The following USP32 variants were observed in gnomAD, a reference collection of about 807,000 sequenced individuals.
The protein encoded by USP32 is ubiquitin carboxyl-terminal hydrolase 32.
USP32 carries 59 observed loss-of-function variants against 204.8 expected under a neutral mutation model. That is an observed-to-expected ratio of 0.29 (90% CI 0.23 to 0.36). USP32 has a LOEUF of 0.36. Ranked by LOEUF, USP32 falls within the 10% of genes least tolerant of loss-of-function variation. The probability of loss-of-function intolerance (pLI) is 1.00; values close to 1 mark genes in which losing one functional copy is unlikely to be tolerated. For missense variants in USP32, 1,160 were observed against 1,946.4 expected, an observed-to-expected ratio of 0.60 and a Z score of 7.60; for synonymous variants, 517 against 678.4, an observed-to-expected ratio of 0.76 and a Z score of 3.70.
At chr17:60,363,296 A>G (rs951305742) in intron 1 of USP32, among the ~76,000 whole-genome samples, 8 of 151,738 alleles carry the variant, frequency 5.3e-5, no homozygotes, top group African/African-American at 1.9e-4. Context: ...CTCTACTAAA[A>G]TACAAAAAAT....
intron 33 of USP32, among the ~76,000 whole-genome samples, chr17:60,179,962 G>C (rs2084060893): frequency 6.6e-6 from 1 of 150,430 alleles, no homozygotes; most frequent in African/African-American, 2.4e-5. Flanking sequence ...GAGCCACCGT[G>C]TTCGGCCCAA....
intron 25 of USP32, among the ~76,000 whole-genome samples, chr17:60,206,040 C>T (rs537489582): frequency 6.6e-6 from 1 of 152,054 alleles, no homozygotes; most frequent in Admixed American, 6.6e-5. Context: ...TTAAATTAGG[C>T]TGGATGAGGC....
At chr17:60,235,528 GA>G (rs1316632234) in intron 12 of USP32, among the ~76,000 whole-genome samples, 6 of 152,158 alleles carry the variant, frequency 3.9e-5, no homozygotes, top group African/African-American at 1.4e-4. Flanking sequence ...AGGCAAATAG[GA>G]ATCAAATGAT....
chr17:60,178,799 A>C lies in USP32; in HGVS notation c.*456T>G, dbSNP rs2145337012. 6.6e-6 allele frequency among the ~76,000 whole-genome samples: 1 copy of C among 152,386 alleles called. No homozygotes were observed. Among genetic ancestry groups the C allele is most frequent in the Non-Finnish European group, 1.5e-5 (1 of 68,034 alleles). ...ATCTTGCTTTCTCCATCTTGTCAAT[A>C]TAATGGAATAAAACTTCAGGAAAAA... is the stretch of plus-strand genomic sequence containing the variant. On this transcript the variant is annotated 3_prime_UTR_variant, in exon 34 of 34. Coordinates refer to ENST00000300896, the MANE Select transcript of USP32 (RefSeq NM_032582.4).
At chr17:60,361,137 CA>C (rs953830188) in intron 1 of USP32, among the ~76,000 whole-genome samples, 1 of 152,036 alleles carries the variant, frequency 6.6e-6, no homozygotes, top group Non-Finnish European at 1.5e-5. Context: ...TCAGAACAAA[CA>C]AACAACAACA....
intron 1 of USP32, among the ~76,000 whole-genome samples, chr17:60,379,022 A>G (rs2089601028): frequency 6.6e-6 from 1 of 152,198 alleles, no homozygotes; most frequent in African/African-American, 2.4e-5. Context: ...AAGATCAGAC[A>G]AAAATTCACA....
At chr17:60,392,711 T>A (rs2089863726), upstream of USP32, 4 of 423,404 alleles carry the variant, frequency 9.4e-6, no homozygotes, top group South Asian at 6.6e-5. Context: ...GAAAGGAGAA[T>A]CTCAAGGCTT....
intron 11 of USP32, among the ~76,000 whole-genome samples, chr17:60,252,060 C>A (rs1336289457): frequency 1.3e-5 from 2 of 151,942 alleles, no homozygotes; most frequent in East Asian, 3.8e-4. Context: ...TTCTCTGCTT[C>A]TTTTTGTTTA....
At chr17:60,289,368 T>C (rs919390911) in intron 4 of USP32, among the ~76,000 whole-genome samples, 2 of 152,216 alleles carry the variant, frequency 1.3e-5, no homozygotes, top group African/African-American at 4.8e-5. Flanking sequence ...CCCTCTTCTT[T>C]AGCACTCTTC....
chr17:60,301,013 G>C (rs1435808005), intron 3 of USP32, among the ~76,000 whole-genome samples: 1 of 152,218 alleles, frequency 6.6e-6, no homozygotes, highest in Non-Finnish European at 1.5e-5. Flanking sequence ...ACTGTAGCAT[G>C]AATCAGTACT....
At chr17:60,183,626 G>A (rs1285490102) in intron 30 of USP32, among the ~76,000 whole-genome samples, 173 bp from the exon 31 acceptor site, 1 of 152,166 alleles carries the variant, frequency 6.6e-6, no homozygotes, top group Non-Finnish European at 1.5e-5. Context: ...CCTCTACATA[G>A]GCCCCAGTGC....
chr17:60,350,136 CCAAG>C (rs1324363132), intron 1 of USP32, among the ~76,000 whole-genome samples: 7 of 151,818 alleles, frequency 4.6e-5, no homozygotes, highest in African/African-American at 1.7e-4. Context: ...CCTCAGCCTC[CCAAG>C]TAGGTGGGAC....
intron 1 of USP32, among the ~76,000 whole-genome samples, chr17:60,349,609 ATATATATATATATATTAT>A (rs2088885705): frequency 1.4e-5 from 1 of 70,342 alleles, no homozygotes; most frequent in East Asian, 3.3e-4. Flanking sequence ...ATATATATAT[ATATATATATATATATTAT>A]ATATATATAT....
chr17:60,196,411 C>T (rs1411276563), intron 27 of USP32, among the ~76,000 whole-genome samples: 1 of 152,114 alleles, frequency 6.6e-6, no homozygotes, highest in African/African-American at 2.4e-5. Flanking sequence ...TAATCTTGTC[C>T]AACTTTCATC....
At chr17:60,198,466 TAG>T (rs1567758677) in intron 26 of USP32, 22 bp from the exon 27 acceptor site, 7 of 1,610,836 alleles carry the variant, frequency 4.3e-6, no homozygotes, top group East Asian at 2.2e-5. Context: ...AACAAGAGAA[TAG>T]AGAGTTCAGA....
At chr17:60,311,953 A>T (rs2087865589) in intron 2 of USP32, among the ~76,000 whole-genome samples, 1 of 152,232 alleles carries the variant, frequency 6.6e-6, no homozygotes, top group African/African-American at 2.4e-5. Flanking sequence ...GTAAAGGGTT[A>T]TCCCACAGTT....
intron 31 of USP32, among the ~76,000 whole-genome samples, chr17:60,182,408 C>G (rs1197219287): frequency 6.6e-6 from 1 of 152,194 alleles, no homozygotes; most frequent in Non-Finnish European, 1.5e-5. Context: ...ATCTCTCACA[C>G]CATTGTACAT....
At chr17:60,235,912 CT>C (rs1303987164) in intron 12 of USP32, among the ~76,000 whole-genome samples, 8 of 152,116 alleles carry the variant, frequency 5.3e-5, no homozygotes, top group Admixed American at 5.2e-4. Flanking sequence ...CCAATATTAT[CT>C]TTTTTTAGGG....
At position 60,349,819 on chromosome 17, in the gene USP32, T is replaced by C. The variant is rs537471539; in HGVS notation, c.59-4211A>G. On this transcript the variant is annotated intron_variant, in intron 1 of 33. Transcript: ENST00000300896. ...AACAAAGGACAGATTGAATAAATTA[T>C]TGTATACATTTAGAATATCATACAG... Among the ~76,000 whole-genome samples the C allele has an allele frequency of 1.7e-4, 25 of 150,192 alleles. No individual in the cohort carries two copies. In the South Asian group the frequency reaches 5.0e-3, roughly 30 times the overall value.
Sources: gnomAD v4.1 joint callset for allele counts (sites outside exome capture counted in the v4.1 genomes callset) on GRCh38, gnomAD v4.1.1 for gene constraint, MANE v1.5 for transcripts, NCBI Gene and HGNC (gene_info 2026-07-23, HGNC 2026-07-21) for gene names.